Variants in HNF4G observed in about 807,000 individuals in gnomAD.
The protein encoded by HNF4G is hepatocyte nuclear factor 4 gamma, also known as hepatocyte nuclear factor 4-gamma.
A neutral mutation model predicts 50.9 loss-of-function variants in HNF4G; 21 were observed. That is an observed-to-expected ratio of 0.41 (90% CI 0.29 to 0.59). The LOEUF is 0.59. Ranked by LOEUF, HNF4G falls within the 20% of genes least tolerant of loss-of-function variation. HNF4G has a pLI of 0.26. For missense variants in HNF4G, 527 were observed against 559.4 expected, an observed-to-expected ratio of 0.94 and a Z score of 0.58; for synonymous variants, 198 against 185.6, an observed-to-expected ratio of 1.07 and a Z score of -0.54.
At chr8:75,556,356 T>A (rs1807126024) in intron 6 of HNF4G, among the ~76,000 whole-genome samples, 1 of 152,180 alleles carries the variant, frequency 6.6e-6, no homozygotes, top group Non-Finnish European at 1.5e-5. Context: ...TATATCAGAA[T>A]GAATAATTAG....
chr8:75,452,666 A>C (rs1248094224), intron 1 of HNF4G, among the ~76,000 whole-genome samples: 24 of 146,634 alleles, frequency 1.6e-4, no homozygotes, highest in Middle Eastern at 3.4e-3. Context: ...TTGCAGTGAG[A>C]CGAGATCGTG....
At chr8:75,549,764 C>T (rs1806892768) in intron 3 of HNF4G, among the ~76,000 whole-genome samples, 1 of 151,966 alleles carries the variant, frequency 6.6e-6, no homozygotes, top group Non-Finnish European at 1.5e-5. Flanking sequence ...CCCCTCTCCC[C>T]CTACCCCACA....
At chr8:75,461,793 G>T (rs188103548) in intron 1 of HNF4G, among the ~76,000 whole-genome samples, 6 of 150,966 alleles carry the variant, frequency 4.0e-5, no homozygotes, top group Admixed American at 4.0e-4. Flanking sequence ...CATAGTAAAA[G>T]ATTAACAACA....
intron 1 of HNF4G, among the ~76,000 whole-genome samples, chr8:75,486,489 A>G (rs1459569823): frequency 6.6e-6 from 1 of 152,186 alleles, no homozygotes; most frequent in East Asian, 1.9e-4. Context: ...CCTTAGGAAG[A>G]AAATAAGATA....
chr8:75,545,237 GAA>G (rs1806738638), intron 2 of HNF4G, among the ~76,000 whole-genome samples: 1 of 127,952 alleles, frequency 7.8e-6, no homozygotes, highest in Non-Finnish European at 1.6e-5. Context: ...TGTTAAAATT[GAA>G]TGTGTGTGTG....
At chr8:75,534,992 A>G (rs1363932742), upstream of HNF4G, among the ~76,000 whole-genome samples, 1 of 151,784 alleles carries the variant, frequency 6.6e-6, no homozygotes, top group African/African-American at 2.4e-5. Context: ...ATGTTATAAT[A>G]ACTTCGGTTT....
intron 3 of HNF4G, among the ~76,000 whole-genome samples, chr8:75,550,700 C>CTT (rs34842850): frequency 5.4e-5 from 8 of 147,818 alleles, no homozygotes; most frequent in South Asian, 2.1e-4. Flanking sequence ...TTACATTACT[C>CTT]TTTTTTTTTT....
intron 1 of HNF4G, among the ~76,000 whole-genome samples, chr8:75,541,822 G>A (rs984015363): frequency 6.6e-6 from 1 of 152,022 alleles, no homozygotes; most frequent in Non-Finnish European, 1.5e-5. Flanking sequence ...TCAGAATTAT[G>A]TATTAGATGA....
chr8:75,430,539 T>C (rs1212561334), intron 1 of HNF4G, among the ~76,000 whole-genome samples: 1 of 149,252 alleles, frequency 6.7e-6, no homozygotes, highest in African/African-American at 2.5e-5. Context: ...AGAATGCTCT[T>C]GAGGGAGATA....
intron 2 of HNF4G, among the ~76,000 whole-genome samples, chr8:75,507,657 G>A (rs1271734199): frequency 1.3e-5 from 2 of 152,122 alleles, no homozygotes; most frequent in Non-Finnish European, 2.9e-5. Context: ...ACATTAAAAG[G>A]TAGTGATGTG....
intron 2 of HNF4G, among the ~76,000 whole-genome samples, chr8:75,527,905 C>T (rs1026005942): frequency 2.0e-5 from 3 of 152,184 alleles, no homozygotes; most frequent in Admixed American, 1.3e-4. Context: ...AACAATGCTT[C>T]TTGAGCTCTC....
intron 8 of HNF4G, among the ~76,000 whole-genome samples, chr8:75,560,109 A>G (rs1807263563): frequency 6.6e-6 from 1 of 152,186 alleles, no homozygotes; most frequent in Non-Finnish European, 1.5e-5. Flanking sequence ...AACGGCACAC[A>G]AGGTCCATTA....
At chr8:75,493,875 T>C (rs938412903) in intron 2 of HNF4G, among the ~76,000 whole-genome samples, 6 of 152,202 alleles carry the variant, frequency 3.9e-5, no homozygotes, top group Non-Finnish European at 7.4e-5. Flanking sequence ...TCCCAAGCAA[T>C]TGGGGGTACA....
chr8:75,474,829 C>T (rs1812203161), intron 1 of HNF4G, among the ~76,000 whole-genome samples: 2 of 151,914 alleles, frequency 1.3e-5, no homozygotes, highest in African/African-American at 4.8e-5. Context: ...TCCGGAGTAG[C>T]TGGTATTACA....
rs554675003 is a variant in HNF4G, at chr8:75,556,056, T to C, written c.720T>C (p.Asp240=). 3.3e-6 allele frequency: 5 copies of C among 1,537,428 alleles called. No individual in the cohort carries two copies. Among genetic ancestry groups the C allele is most frequent in the Admixed American group, 4.0e-5 (2 of 50,630 alleles). ...GATKRSMMYK[D]ILLLGNNYVI... is the part of the protein sequence containing the mutation. The stretch of plus-strand genomic sequence containing the variant: ...CAAAGAGATCCATGATGTATAAAGA[T>C]ATTTTGCTTTTGGGTAAGTTTTTTT... Residue 240 remains aspartate (D), a synonymous_variant, in exon 6 of 10, where the codon GAT becomes GAC. Transcript: ENST00000396423.
chr8:75,565,968 T>C lies in HNF4G; in HGVS notation c.*1872T>C, dbSNP rs1016536636. ...AGCTTCTATTTCGTGAATAAGAATG[T>C]TTTGATTTTGATCATACAAATAACT... On this transcript the variant is annotated 3_prime_UTR_variant, in exon 10 of 10. Transcript: ENST00000396423. 1 of 152,138 alleles carries C rather than the reference T, an allele frequency of 6.6e-6. No individual in the cohort carries two copies. The highest frequency in any genetic ancestry group is 6.6e-5 in the Admixed American group (1 of 15,262). 9.4% of individuals were successfully genotyped at this position (152,138 alleles called of 1,614,324 possible). A position where few individuals can be genotyped will look rare whatever the true frequency, so the allele number is the denominator to read the frequency against.
At chr8:75,461,028 TAAAG>T in intron 1 of HNF4G, among the ~76,000 whole-genome samples, 1 of 152,326 alleles carries the variant, frequency 6.6e-6, no homozygotes, top group South Asian at 2.1e-4. Context: ...ACTTTGCAGA[TAAAG>T]AAAGAGGTTT....
chr8:75,478,868 C>CA (rs1160865381), intron 1 of HNF4G, among the ~76,000 whole-genome samples: 1 of 152,152 alleles, frequency 6.6e-6, no homozygotes, highest in African/African-American at 2.4e-5. Context: ...GGATTGCAGG[C>CA]ACGTGCCACC....
intron 1 of HNF4G, among the ~76,000 whole-genome samples, chr8:75,449,729 G>C (rs35324788): frequency 0.058 from 8,838 of 151,810 alleles, 321 homozygotes; most frequent in Non-Finnish European, 0.08. Flanking sequence ...GGATGGTCTC[G>C]ATCTCCTGAC....
Sources: gnomAD v4.1 joint callset for allele counts (sites outside exome capture counted in the v4.1 genomes callset) on GRCh38, gnomAD v4.1.1 for gene constraint, MANE v1.5 for transcripts, NCBI Gene and HGNC (gene_info 2026-07-23, HGNC 2026-07-21) for gene names.